ESRRB: variants seen among roughly 807,000 people sequenced by gnomAD.
The protein encoded by ESRRB is steroid hormone receptor ERR2.
ESRRB carries 16 observed loss-of-function variants against 46.0 expected under a neutral mutation model. The observed-to-expected ratio is 0.35, with a 90% CI of 0.24 to 0.53. ESRRB has a LOEUF of 0.53. Ranked by LOEUF, ESRRB falls within the 20% of genes least tolerant of loss-of-function variation. ESRRB has a pLI of 0.93. For missense variants in ESRRB, 488 were observed against 607.4 expected (o/e 0.80, Z 2.07); for synonymous variants, 246 against 259.6 (o/e 0.95, Z 0.50).
chr14:76,387,103 T>C (rs1426389701), intron 1 of ESRRB, among the ~76,000 whole-genome samples: 1 of 152,120 alleles, frequency 6.6e-6, no homozygotes, highest in Non-Finnish European at 1.5e-5. Flanking sequence ...CCCAGGAGGC[T>C]GAGGGGAAGC....
At chr14:76,435,930 T>G (rs1453242785) in intron 1 of ESRRB, among the ~76,000 whole-genome samples, 1 of 152,178 alleles carries the variant, frequency 6.6e-6, no homozygotes, top group African/African-American at 2.4e-5. Context: ...TCTAAATTAA[T>G]AGCGGGCTTC....
At chr14:76,323,722 G>A (rs1883895019) in intron 1 of ESRRB, among the ~76,000 whole-genome samples, 3 of 152,194 alleles carry the variant, frequency 2.0e-5, no homozygotes. Context: ...CAGCTGCAGG[G>A]TGACAGCATA....
intron 1 of ESRRB, among the ~76,000 whole-genome samples, chr14:76,435,046 G>A (rs998984572): frequency 1.3e-5 from 2 of 152,236 alleles, no homozygotes; most frequent in African/African-American, 4.8e-5. Context: ...GGTGGGGATA[G>A]GAGGGCAGAG....
rs1282618203 is a variant in ESRRB at position 76,499,368 on chromosome 14, G to A, written c.*910G>A. On this transcript the variant is annotated 3_prime_UTR_variant, in exon 7 of 7. Transcript: ENST00000644823. ...GCCAAGTGAGCCTGTGAGAAGCTCA[G>A]GAGCCTGGCTCCATCCAAGAGCACC... 1 of 255,266 alleles carries A rather than the reference G, an allele frequency of 3.9e-6. No homozygotes were observed. Among genetic ancestry groups the A allele is most frequent in the East Asian group, 9.7e-5 (1 of 10,322 alleles). 15.8% of individuals were successfully genotyped at this position (255,266 alleles called of 1,614,324 possible). A position where few individuals can be genotyped will look rare whatever the true frequency, so the allele number is the denominator to read the frequency against.
At chr14:76,453,007 C>G (rs1464085234) in intron 2 of ESRRB, among the ~76,000 whole-genome samples, 2 of 152,214 alleles carry the variant, frequency 1.3e-5, no homozygotes, top group Non-Finnish European at 2.9e-5. Flanking sequence ...AAAGGCTACA[C>G]CTGGGAGCTT....
At chr14:76,358,323 A>AAAAAAAAGAAAG (rs1884410928) in intron 1 of ESRRB, among the ~76,000 whole-genome samples, 2 of 53,100 alleles carry the variant, frequency 3.8e-5, no homozygotes, top group Non-Finnish European at 7.4e-5. Context: ...AAAAAAAAAA[A>AAAAAAAAGAAAG]AAAGAAAGAA....
chr14:76,496,757 C>G (rs4899595), intron 6 of ESRRB, among the ~76,000 whole-genome samples: 145,157 of 152,224 alleles, frequency 0.95, 69,595 homozygotes, highest in East Asian at 1. Flanking sequence ...TCAGGTGTGG[C>G]TCCAGTGGCT....
rs1324640848 is a variant in ESRRB at position 76,498,602 on chromosome 14, G to A, written c.*144G>A. 2 of 1,496,874 alleles carry A rather than the reference G, an allele frequency of 1.3e-6. No homozygotes were observed. The highest frequency in any genetic ancestry group is 1.8e-6 in the Non-Finnish European group (2 of 1,116,848). The allele number at this position is 1,496,874 out of a possible 1,614,324, so 92.7% of individuals were successfully genotyped here. On this transcript the variant is annotated 3_prime_UTR_variant, in exon 7 of 7. Coordinates refer to ENST00000644823, the MANE Select transcript of ESRRB (RefSeq NM_001379180.1). ...CAGAGGCGGGGGTTTCTCACCTCCT[G>A]GCTGTGTGCAGACTCCCGGGTGCAG...
intron 1 of ESRRB, among the ~76,000 whole-genome samples, chr14:76,387,875 T>C (rs1358696822): frequency 6.6e-6 from 1 of 152,246 alleles, no homozygotes; most frequent in Non-Finnish European, 1.5e-5. Flanking sequence ...GCGATTGTAA[T>C]AGTAATAGTT....
chr14:76,313,939 G>A (rs1330685725), intron 1 of ESRRB, among the ~76,000 whole-genome samples: 1 of 151,704 alleles, frequency 6.6e-6, no homozygotes, highest in Non-Finnish European at 1.5e-5. Flanking sequence ...TTCTAATAGT[G>A]GAGCGGTGGA....
At chr14:76,416,689 G>A (rs781509644) in intron 1 of ESRRB, among the ~76,000 whole-genome samples, 1 of 151,370 alleles carries the variant, frequency 6.6e-6, no homozygotes, top group Non-Finnish European at 1.5e-5. Context: ...GGCTGGTCTC[G>A]AACTCCTGAC....
intron 1 of ESRRB, among the ~76,000 whole-genome samples, chr14:76,336,301 C>T (rs768461909): frequency 1.4e-5 from 1 of 71,112 alleles, no homozygotes; most frequent in African/African-American, 4.7e-5. Flanking sequence ...CAAGGCTCAG[C>T]GATGACTGGC....
At chr14:76,363,392 T>A (rs1884486557) in intron 1 of ESRRB, among the ~76,000 whole-genome samples, 4 of 152,144 alleles carry the variant, frequency 2.6e-5, no homozygotes, top group African/African-American at 9.7e-5. Flanking sequence ...CATGGGGAAA[T>A]TTTGCTTGGC....
intron 3 of ESRRB, among the ~76,000 whole-genome samples, chr14:76,469,605 G>C (rs1459530567): frequency 6.6e-6 from 1 of 151,840 alleles, no homozygotes; most frequent in Non-Finnish European, 1.5e-5. Context: ...AAACTCTTGG[G>C]CTCAAGCAAT....
In ESRRB at chr14:76,439,361, C is replaced by G. The variant is rs766123138; in HGVS notation, c.71C>G (p.Ser24Trp). Reference sequence around the variant, plus strand: ...CACAGGCTGCTGAACAGGATGTCCTCGGACGACAGGCACCTGGGCTCCAGC... The same window carrying G: ...CACAGGCTGCTGAACAGGATGTCCTGGGACGACAGGCACCTGGGCTCCAGC... ...YHNQLLNRMS[S>W]DDRHLGSSCG... Residue 24 changes from serine to tryptophan, a missense_variant, in exon 2 of 7, where the codon TCG becomes TGG. By Grantham distance (177) the Ser-to-Trp change is radical. Coordinates refer to ENST00000644823, the MANE Select transcript of ESRRB (RefSeq NM_001379180.1). 1.2e-6 allele frequency: 2 copies of G among 1,613,670 alleles called. No homozygotes were observed. Among genetic ancestry groups the G allele is most frequent in the Non-Finnish European group, 1.7e-6 (2 of 1,180,038 alleles).
intron 2 of ESRRB, among the ~76,000 whole-genome samples, chr14:76,446,409 G>A (rs1370310110): frequency 6.6e-6 from 1 of 151,632 alleles, no homozygotes; most frequent in African/African-American, 2.4e-5. Flanking sequence ...GTCGCTGGGG[G>A]CTGTGATGAC....
intron 1 of ESRRB, among the ~76,000 whole-genome samples, chr14:76,355,185 G>A (rs1884364861): frequency 6.6e-6 from 1 of 152,214 alleles, no homozygotes; most frequent in Non-Finnish European, 1.5e-5. Context: ...GGTGGCCAGA[G>A]GCGGTAGAGA....
chr14:76,407,500 C>T, intron 1 of ESRRB: 1 of 979,576 alleles, frequency 1.0e-6, no homozygotes, highest in Non-Finnish European at 1.2e-6. Flanking sequence ...AGTCTGGTAT[C>T]TAAGTGCGAT....
In ESRRB at chr14:76,358,399, GAAAGAAAGAAAGAAAA is replaced by G. The variant is rs1884422219; in HGVS notation, c.2+47484_2+47499del. Among the ~76,000 whole-genome samples, 21 of 102,568 alleles carry G rather than the reference GAAAGAAAGAAAGAAAA, an allele frequency of 2.0e-4. 1 individual carries two copies. The highest frequency in any genetic ancestry group is 7.9e-4 in the African/African-American group (20 of 25,444). The allele number at this position is 102,568 out of a possible 152,430, so 67.3% of individuals were successfully genotyped here. On this transcript the variant is annotated intron_variant, in intron 1 of 6. Transcript: ENST00000512784. The stretch of plus-strand genomic sequence containing the variant: ...AGAAAGAAAGAAAGAAAGAAAGAAA[GAAAGAAAGAAAGAAAA>G]GAAAAGAAAAAGAAAAAAATGGCAA...
Sources: allele counts gnomAD v4.1 joint callset (sites outside exome capture counted in the v4.1 genomes callset), GRCh38; gene constraint gnomAD v4.1.1; transcripts MANE v1.5; gene names NCBI Gene and HGNC (gene_info 2026-07-23, HGNC 2026-07-21).